The following LPAR5 variants were observed in gnomAD, a reference collection of about 807,000 sequenced individuals.
The protein encoded by LPAR5 is G protein-coupled receptor 92.
For missense variants in LPAR5, 544 were observed against 521.8 expected, an observed-to-expected ratio of 1.04 and a Z score of -0.41; for synonymous variants, 271 against 261.6, an observed-to-expected ratio of 1.04 and a Z score of -0.35.
chr12:6,627,451 C>T (rs1210583861), intron 1 of LPAR5, among the ~76,000 whole-genome samples: 3 of 150,874 alleles, frequency 2.0e-5, no homozygotes, highest in Non-Finnish European at 4.4e-5. Context: ...ATTAGCCGGG[C>T]GAGGTGGCAG....
intron 1 of LPAR5, among the ~76,000 whole-genome samples, chr12:6,625,372 C>T (rs1948927731): frequency 1.4e-5 from 2 of 143,446 alleles, no homozygotes; most frequent in Middle Eastern, 4.0e-3. Flanking sequence ...TTGCAGTGAG[C>T]CGAGATTGAG....
intron 1 of LPAR5, among the ~76,000 whole-genome samples, chr12:6,630,609 T>A (rs781749614): frequency 6.6e-6 from 1 of 151,856 alleles, no homozygotes; most frequent in Non-Finnish European, 1.5e-5. Context: ...CACGCCACCA[T>A]GCCTGGCTAA....
At chr12:6,633,138 A>C (rs562983829) in intron 1 of LPAR5, among the ~76,000 whole-genome samples, 3 of 152,164 alleles carry the variant, frequency 2.0e-5, no homozygotes, top group Non-Finnish European at 4.4e-5. Context: ...TGATGTGCGG[A>C]TATCACCTTG....
intron 1 of LPAR5, among the ~76,000 whole-genome samples, chr12:6,630,799 T>C (rs1948976344): frequency 6.6e-6 from 1 of 152,130 alleles, no homozygotes; most frequent in Admixed American, 6.6e-5. Flanking sequence ...GCCGCCTCTT[T>C]CTGACAGTCA....
chr12:6,622,586 TAAA>T (rs746868792), intron 1 of LPAR5, among the ~76,000 whole-genome samples: 1 of 109,612 alleles, frequency 9.1e-6, no homozygotes, highest in African/African-American at 3.4e-5. Context: ...CTGTCTCTAC[TAAA>T]AAAAAAAAAA....
chr12:6,619,675 C>A lies in LPAR5; in HGVS notation c.*455G>T. ...CCTAGGCCGAAATGAAAGGGGGTGG[C>A]ATCCATGAGCCTAGACAGAAGTCAG... On this transcript the variant is annotated 3_prime_UTR_variant, in exon 2 of 2. Transcript: ENST00000329858. 3.0e-6 allele frequency: 1 copy of A among 333,054 alleles called. No individual in the cohort carries two copies. The highest frequency in any genetic ancestry group is 7.7e-5 in the East Asian group (1 of 13,006). 20.6% of individuals were successfully genotyped at this position (333,054 alleles called of 1,614,324 possible). A position where few individuals can be genotyped will look rare whatever the true frequency, so the allele number is the denominator to read the frequency against.
At chr12:6,625,960 C>A (rs950474716) in intron 1 of LPAR5, among the ~76,000 whole-genome samples, 3 of 152,106 alleles carry the variant, frequency 2.0e-5, no homozygotes, top group African/African-American at 7.2e-5. Flanking sequence ...GCCACCATCC[C>A]TGGCTAATTT....
chr12:6,624,471 T>G (rs1262245479), intron 1 of LPAR5, among the ~76,000 whole-genome samples: 1 of 151,910 alleles, frequency 6.6e-6, no homozygotes, highest in Non-Finnish European at 1.5e-5. Flanking sequence ...CTAGTCTACT[T>G]TCTGTCTCAA....
chr12:6,630,553 A>C (rs1293949432), intron 1 of LPAR5, among the ~76,000 whole-genome samples: 2 of 142,878 alleles, frequency 1.4e-5, no homozygotes, highest in African/African-American at 2.6e-5. Context: ...CCCAGGTTCA[A>C]GCAATTCTCT....
chr12:6,630,314 G>A (rs150709483), intron 1 of LPAR5, among the ~76,000 whole-genome samples: 2 of 151,708 alleles, frequency 1.3e-5, no homozygotes, highest in African/African-American at 4.8e-5. Flanking sequence ...AGTAGAAATG[G>A]GGTTTCACCA....
intron 1 of LPAR5, among the ~76,000 whole-genome samples, chr12:6,634,449 C>A (rs1486104236): frequency 1.3e-5 from 2 of 151,566 alleles, no homozygotes; most frequent in East Asian, 3.9e-4. Context: ...CCTGTCTCTA[C>A]ACAAACACAC....
chr12:6,630,433 CTTTTTTTTTTTTTTTTTTTTTT>C (rs34529805), intron 1 of LPAR5, among the ~76,000 whole-genome samples: 23 of 41,826 alleles, frequency 5.5e-4, no homozygotes, highest in South Asian at 3.3e-3. Flanking sequence ...CCCAGCCCAT[CTTTTTTTTTTTTTTTTTTTTTT>C]TTTTTTTTTT....
intron 1 of LPAR5, among the ~76,000 whole-genome samples, chr12:6,627,494 G>A (rs990055253): frequency 6.6e-5 from 10 of 150,730 alleles, no homozygotes; most frequent in Non-Finnish European, 3.0e-5. Flanking sequence ...GGGAGGCTGA[G>A]GCAGGAGAAT....
In LPAR5 at chr12:6,621,092, C is replaced by T. The variant is rs754597466; in HGVS notation, c.157G>A (p.Val53Met). The change falls in exon 2 of 2, where the codon GTG (valine) becomes ATG (methionine). Residue 53 changes from valine (V) to methionine (M), a missense_variant. Val to Met is a conservative substitution (Grantham distance 21). Coordinates refer to ENST00000329858, the MANE Select transcript of LPAR5 (RefSeq NM_020400.6). ...ATGTACACGCTCACCACCGAGTGCA[C>T]GCGCAGCGCGCGCAGGAAGACCCAG... The part of the protein sequence containing the change: ...ALWVFLRALR[V>M]HSVVSVYMCN... 45 of 1,600,842 alleles carry T rather than the reference C, an allele frequency of 2.8e-5. No individual in the cohort carries two copies. The South Asian group carries it at 3.9e-4, about 14-fold the overall frequency.
chr12:6,628,248 C>T (rs1046517179), intron 1 of LPAR5, among the ~76,000 whole-genome samples: 2 of 152,066 alleles, frequency 1.3e-5, no homozygotes, highest in African/African-American at 4.8e-5. Context: ...GTCTCTATCT[C>T]CTGACCTCGT....
intron 1 of LPAR5, among the ~76,000 whole-genome samples, chr12:6,632,665 A>G (rs2136245608): frequency 6.6e-6 from 1 of 152,286 alleles, no homozygotes; most frequent in East Asian, 1.9e-4. Flanking sequence ...AGCCTTTGTG[A>G]AAAGCTCTGT....
In LPAR5 at chr12:6,623,746, G is replaced by T. The variant is rs201459155; in HGVS notation, c.-216-2282C>A. On this transcript the variant is annotated intron_variant, in intron 1 of 1. Transcript: ENST00000329858. Reference sequence around the variant, plus strand: ...CTTTACATTCCATTGGAGGGAGACAGATAATAAGCACAAATCAATAGGTGG... The same window carrying T: ...CTTTACATTCCATTGGAGGGAGACATATAATAAGCACAAATCAATAGGTGG... Among the ~76,000 whole-genome samples, 5 of 152,326 alleles carry T rather than the reference G, an allele frequency of 3.3e-5. No homozygotes were observed. The South Asian group carries it at 6.2e-4, about 19-fold the overall frequency.
chr12:6,619,968 T>C lies in LPAR5; in HGVS notation c.*162A>G, dbSNP rs1402337406. On this transcript the variant is annotated 3_prime_UTR_variant, in exon 2 of 2. Transcript: ENST00000329858. ...CCATTTCCAGCAGCACTGCCTTCCC[T>C]GGGCCCTGGCTTCCACACTTTGTAC... 3.1e-6 allele frequency: 3 copies of C among 980,604 alleles called. No individual in the cohort carries two copies. The allele number at this position is 980,604 out of a possible 1,614,324, so 60.7% of individuals were successfully genotyped here.
At chr12:6,633,394 T>C (rs1922454) in intron 1 of LPAR5, among the ~76,000 whole-genome samples, 146,249 of 151,830 alleles carry the variant, frequency 0.96, 70,702 homozygotes, top group East Asian at 1. Flanking sequence ...CTCTTGCCGG[T>C]TCCTTCTCCT....
Sources: gnomAD v4.1 joint callset for allele counts (sites outside exome capture counted in the v4.1 genomes callset) on GRCh38, gnomAD v4.1.1 for gene constraint, MANE v1.5 for transcripts, NCBI Gene and HGNC (gene_info 2026-07-23, HGNC 2026-07-21) for gene names.